Variants in PKNOX1 observed in about 807,000 individuals in gnomAD.
PKNOX1 encodes PBX/knotted 1 homeobox 1.
In PKNOX1, 15 loss-of-function variants were observed where a neutral mutation model predicts 51.9. The observed-to-expected ratio is 0.29, with a 90% CI of 0.19 to 0.45. The LOEUF (loss-of-function observed/expected upper bound fraction) is 0.45. Among genes scored for constraint, PKNOX1 ranks in the 20% least tolerant of loss-of-function variants. The pLI, the probability that PKNOX1 is intolerant of heterozygous loss-of-function variation, is 1.00. For missense variants in PKNOX1, 462 were observed against 547.5 expected, an observed-to-expected ratio of 0.84 and a Z score of 1.56; for synonymous variants, 219 against 211.1, an observed-to-expected ratio of 1.04 and a Z score of -0.32.
intron 1 of PKNOX1, among the ~76,000 whole-genome samples, chr21:42,987,380 CTCAAAAAAAA>C (rs1174340685): frequency 2.5e-5 from 1 of 40,624 alleles, no homozygotes; most frequent in African/African-American, 1.9e-4. Context: ...TAAACTCCCT[CTCAAAAAAAA>C]AAAAAAAAAA....
Position 43,007,988 on chromosome 21 carries a change from G to C in PKNOX1, c.179+370G>C, listed in dbSNP as rs192101034. Among the ~76,000 whole-genome samples the C allele has an allele frequency of 5.3e-5, 8 of 151,590 alleles. No individual in the cohort carries two copies. The East Asian group carries it at 1.6e-3, about 29-fold the overall frequency. Reference sequence around the variant, plus strand: ...CTGAGGCAGGAGAATCACTTGAACCGGGGAGGCGGAGGTTGCATTGAGCTG... The same window carrying C: ...CTGAGGCAGGAGAATCACTTGAACCCGGGAGGCGGAGGTTGCATTGAGCTG... On this transcript the variant is annotated intron_variant, in intron 3 of 10. Coordinates refer to ENST00000291547, the MANE Select transcript of PKNOX1 (RefSeq NM_004571.5).
At chr21:42,982,349 TG>T (rs2059031083) in intron 1 of PKNOX1, among the ~76,000 whole-genome samples, 1 of 152,210 alleles carries the variant, frequency 6.6e-6, no homozygotes, top group Admixed American at 6.6e-5. Flanking sequence ...TGAGCGCATG[TG>T]TTTTGTTACA....
rs766679437 is a variant in PKNOX1 at position 43,016,992 on chromosome 21, A to G, written c.607A>G (p.Met203Val). ...ASALQQGNVA[M>V]ATVAGGTVYQ... is the part of the protein sequence containing the mutation. The stretch of plus-strand genomic sequence containing the variant: ...CGCGCTGCAGCAGGGAAACGTAGCC[A>G]TGGCGACGGTGGCAGGTACGATGAC... Residue 203 changes from methionine to valine, a missense_variant, in exon 6 of 11, where the codon ATG (methionine) becomes GTG (valine). By Grantham distance (21) the Met-to-Val change is conservative. Coordinates refer to ENST00000291547, the MANE Select transcript of PKNOX1 (RefSeq NM_004571.5). The G allele has an allele frequency of 3.7e-6, 6 of 1,611,920 alleles. No individual in the cohort carries two copies. Among genetic ancestry groups the G allele is most frequent in the East Asian group, 4.5e-5 (2 of 44,892 alleles).
intron 1 of PKNOX1, among the ~76,000 whole-genome samples, chr21:43,001,775 A>G (rs989374172): frequency 6.6e-6 from 1 of 152,018 alleles, no homozygotes; most frequent in Non-Finnish European, 1.5e-5. Flanking sequence ...CCTGGCTAAC[A>G]TGGTGAAACC....
Position 43,032,077 on chromosome 21 carries a change from C to G in PKNOX1, c.*1976C>G. On this transcript the variant is annotated 3_prime_UTR_variant, in exon 11 of 11. Coordinates refer to ENST00000291547, the MANE Select transcript of PKNOX1 (RefSeq NM_004571.5). ...GTTTCTCCATGTTGGTCGGGCTGGT[C>G]TCGAACTCCCGACCTCAGGTGATCT... 1 of 437,280 alleles carries G rather than the reference C, an allele frequency of 2.3e-6. No individual in the cohort carries two copies. The highest frequency in any genetic ancestry group is 4.6e-6 in the Non-Finnish European group (1 of 216,854). 27.1% of individuals were successfully genotyped at this position (437,280 alleles called of 1,614,324 possible).
chr21:42,983,872 G>A (rs950792557), intron 1 of PKNOX1, among the ~76,000 whole-genome samples: 1 of 152,026 alleles, frequency 6.6e-6, no homozygotes, highest in Non-Finnish European at 1.5e-5. Flanking sequence ...TTTCTTATGT[G>A]TTGTTGCTTT....
chr21:43,014,056 C>G (rs917962776), intron 5 of PKNOX1, among the ~76,000 whole-genome samples: 1 of 137,208 alleles, frequency 7.3e-6, no homozygotes, highest in African/African-American at 2.8e-5. Context: ...GAGTCTCGCT[C>G]CATCACCCAG....
intron 5 of PKNOX1, among the ~76,000 whole-genome samples, chr21:43,014,236 T>G (rs1206337798): frequency 1.3e-5 from 2 of 152,126 alleles, no homozygotes; most frequent in Non-Finnish European, 2.9e-5. Flanking sequence ...TTAGCCAGGA[T>G]GGTCTCGATC....
At position 43,013,123 on chromosome 21, in the gene PKNOX1, A is replaced by G. The variant is rs1191405409; in HGVS notation, c.407A>G (p.Asn136Ser). The G allele has an allele frequency of 2.5e-6, 4 of 1,613,834 alleles. No individual in the cohort carries two copies. In the African/African-American group the frequency reaches 5.3e-5, roughly 22 times the overall value. ...RIHLLELEKV[N>S]ELCKDFCSRY... ...CATCTTCTTGAGCTGGAAAAGGTTAACGAACTCTGCAAAGATTTCTGCAGT... is the reference window on the plus strand; with the variant it reads ...CATCTTCTTGAGCTGGAAAAGGTTAGCGAACTCTGCAAAGATTTCTGCAGT... Residue 136 changes from asparagine (N) to serine (S), a missense_variant, in exon 5 of 11, where the codon AAC (asparagine) becomes AGC (serine). Physicochemically the swap from Asn to Ser is conservative, Grantham distance 46. This residue lies in a region of PKNOX1 where 14 missense variants were observed against 39.3 expected (regional missense o/e 0.36). Coordinates refer to ENST00000291547, the MANE Select transcript of PKNOX1 (RefSeq NM_004571.5).
intron 1 of PKNOX1, among the ~76,000 whole-genome samples, chr21:42,993,012 C>T (rs940389278): frequency 4.6e-5 from 7 of 152,238 alleles, no homozygotes; most frequent in Admixed American, 2.6e-4. Flanking sequence ...TCCTGGTAGT[C>T]GGAGTGTCAC....
At chr21:43,015,402 T>C (rs1241297160) in intron 5 of PKNOX1, among the ~76,000 whole-genome samples, 4 of 152,266 alleles carry the variant, frequency 2.6e-5, no homozygotes, top group African/African-American at 4.8e-5. Flanking sequence ...TTTTGAATAT[T>C]GAACAAGCCT....
rs779620444 is a variant in PKNOX1, at chr21:43,024,906, T to C, written c.885T>C (p.Ile295=). The part of the protein sequence containing the change: ...PYPTEDEKKQ[I]AAQTNLTLLQ... Reference sequence around the variant, plus strand: ...CAACAGAGGATGAGAAAAAACAGATTGCTGCTCAGACAAATTTGACACTAC... The same window carrying C: ...CAACAGAGGATGAGAAAAAACAGATCGCTGCTCAGACAAATTTGACACTAC... Residue 295 remains isoleucine (I), a synonymous_variant, in exon 9 of 11, where the codon ATT becomes ATC. Transcript: ENST00000291547. The C allele has an allele frequency of 1.2e-6, 2 of 1,613,074 alleles. No individual in the cohort carries two copies. Among genetic ancestry groups the C allele is most frequent in the Admixed American group, 3.3e-5 (2 of 59,988 alleles).
rs1053845687 is a variant in PKNOX1, at chr21:43,033,402, C to G, written c.*3301C>G. On this transcript the variant is annotated 3_prime_UTR_variant, in exon 11 of 11. Transcript: ENST00000291547. ...CCCTTGTGAAGGCCCATTCCTGGCA[C>G]TTAGAGACAGAAAGAACTCAGCAAT... The G allele has an allele frequency of 6.6e-6, 1 of 152,468 alleles. No homozygotes were observed. The highest frequency in any genetic ancestry group is 1.9e-4 in the East Asian group (1 of 5,186). 9.4% of individuals were successfully genotyped at this position (152,468 alleles called of 1,614,324 possible). A position where few individuals can be genotyped will look rare whatever the true frequency, so the allele number is the denominator to read the frequency against.
chr21:43,013,312 C>A, intron 5 of PKNOX1, 74 bp downstream of exon 5: 1 of 1,120,152 alleles, frequency 8.9e-7, no homozygotes, highest in Non-Finnish European at 1.3e-6. Flanking sequence ...AGACCACCAG[C>A]TCTTTCAGAA....
chr21:43,021,820 G>T lies in PKNOX1; in HGVS notation c.849+389G>T, dbSNP rs1979768792. 1.3e-5 allele frequency among the ~76,000 whole-genome samples: 2 copies of T among 152,234 alleles called. No homozygotes were observed. Reference sequence around the variant, plus strand: ...GATGGGTTAGAGACATCGCAGGGCCGGGTGCACCCACAGGTGGGCCACCGG... The same window carrying T: ...GATGGGTTAGAGACATCGCAGGGCCTGGTGCACCCACAGGTGGGCCACCGG... On this transcript the variant is annotated intron_variant, in intron 8 of 10. Coordinates refer to ENST00000291547, the MANE Select transcript of PKNOX1 (RefSeq NM_004571.5). This position sits in a 1 kb window ranked among gnomAD's most constrained non-coding sequence, Gnocchi z 4.6.
intron 4 of PKNOX1, 121 bp from the exon 5 acceptor site, chr21:43,012,947 C>T (rs1979319371): frequency 2.7e-6 from 2 of 735,064 alleles, no homozygotes; most frequent in African/African-American, 3.6e-5. Context: ...GATGTTATTC[C>T]ACTTTGGTTA....
chr21:42,984,960 C>T (rs761948560), intron 1 of PKNOX1, among the ~76,000 whole-genome samples: 27 of 143,102 alleles, frequency 1.9e-4, no homozygotes, highest in Admixed American at 1.1e-3. Flanking sequence ...GGTTAGGGTT[C>T]CTCATTTTCT....
intron 1 of PKNOX1, among the ~76,000 whole-genome samples, chr21:42,985,988 G>C (rs1397319433): frequency 7.3e-6 from 1 of 136,372 alleles, no homozygotes. Flanking sequence ...GCAACAGAGC[G>C]AGGCTCTGTC....
At chr21:43,019,236 T>C (rs1049626794) in intron 7 of PKNOX1, among the ~76,000 whole-genome samples, 4 of 147,686 alleles carry the variant, frequency 2.7e-5, no homozygotes, top group African/African-American at 1.0e-4. Context: ...CTACTAAAGA[T>C]GCAAAAATTA....
Sources: allele counts gnomAD v4.1 joint callset (sites outside exome capture counted in the v4.1 genomes callset), GRCh38; gene constraint gnomAD v4.1.1; regional missense constraint gnomAD v4.1.1; non-coding constraint Gnocchi (gnomAD v3.1); transcripts MANE v1.5; gene names NCBI Gene and HGNC (gene_info 2026-07-23, HGNC 2026-07-21).